Variants in CTNNA3 observed in about 807,000 individuals in gnomAD.
The protein encoded by CTNNA3 is catenin alpha-3.
A neutral mutation model predicts 95.7 loss-of-function variants in CTNNA3; 76 were observed. The ratio of observed to expected loss-of-function variants is 0.79; its 90% CI spans 0.66 to 0.96. The LOEUF is 0.96. Ranked by LOEUF, CTNNA3 falls within the 40% of genes least tolerant of loss-of-function variation. The probability of loss-of-function intolerance (pLI) is 0.00; values close to 1 mark genes in which losing one functional copy is unlikely to be tolerated. For synonymous variants in CTNNA3, 431 were observed against 374.4 expected, an observed-to-expected ratio of 1.15 and a Z score of -1.74; for missense variants, 1,191 against 1,089.8, an observed-to-expected ratio of 1.09 and a Z score of -1.31.
chr10:67,216,614 A>G (rs180918538), intron 6 of CTNNA3, among the ~76,000 whole-genome samples: 17 of 152,334 alleles, frequency 1.1e-4, no homozygotes, highest in Admixed American at 8.5e-4. Context: ...GTAAACAATG[A>G]CTGTATGAAT....
At chr10:66,422,137 A>C (rs993195330) in intron 11 of CTNNA3, among the ~76,000 whole-genome samples, 1 of 151,968 alleles carries the variant, frequency 6.6e-6, no homozygotes, top group African/African-American at 2.4e-5. Context: ...TTGCACAAAT[A>C]TATTCTTTAC....
At chr10:66,285,226 T>C (rs2091564582) in intron 12 of CTNNA3, among the ~76,000 whole-genome samples, 2 of 151,870 alleles carry the variant, frequency 1.3e-5, no homozygotes, top group African/African-American at 4.8e-5. Context: ...AAAAATAAAA[T>C]ACTAGAGAGA....
chr10:66,325,803 A>C (rs922396004), intron 12 of CTNNA3, among the ~76,000 whole-genome samples: 1 of 152,276 alleles, frequency 6.6e-6, no homozygotes, highest in East Asian at 1.9e-4. Flanking sequence ...TTATGTGCTC[A>C]TATTAAAAAA....
At chr10:66,057,314 G>A (rs563420310) in intron 15 of CTNNA3, among the ~76,000 whole-genome samples, 1 of 152,178 alleles carries the variant, frequency 6.6e-6, no homozygotes, top group African/African-American at 2.4e-5. Context: ...ACACGATACA[G>A]AACCGGTCTG....
At chr10:66,335,400 G>C (rs1437797055) in intron 12 of CTNNA3, among the ~76,000 whole-genome samples, 3 of 152,006 alleles carry the variant, frequency 2.0e-5, no homozygotes, top group African/African-American at 7.2e-5. Context: ...ACGTACAGAT[G>C]GTGTTTTGGT....
chr10:67,057,732 C>T (rs1040194796), intron 7 of CTNNA3, among the ~76,000 whole-genome samples: 12 of 152,054 alleles, frequency 7.9e-5, no homozygotes, highest in African/African-American at 2.9e-4. Context: ...CCACCACCAC[C>T]ACGATGAGCT....
rs547523837 is a variant in CTNNA3 at position 67,446,033 on chromosome 10, A to G, written c.579+75809T>C. 6.4e-4 allele frequency among the ~76,000 whole-genome samples: 97 copies of G among 152,310 alleles called. No individual in the cohort carries two copies. The Middle Eastern group carries it at 0.01, about 16-fold the overall frequency. On this transcript the variant is annotated intron_variant, in intron 5 of 17. Transcript: ENST00000433211. ...CTGTTCCCTCACATAGTATTAAAGC[A>G]TAGATGGCAAGTTAATCTTTCATTC... is the stretch of plus-strand genomic sequence containing the variant.
intron 5 of CTNNA3, among the ~76,000 whole-genome samples, chr10:67,225,678 G>A (rs997382575): frequency 1.3e-5 from 2 of 152,124 alleles, no homozygotes; most frequent in African/African-American, 2.4e-5. Flanking sequence ...AAGCGGGAGA[G>A]TACTACATCA....
At chr10:66,346,515 G>T (rs2092521676) in intron 12 of CTNNA3, among the ~76,000 whole-genome samples, 1 of 151,966 alleles carries the variant, frequency 6.6e-6, no homozygotes, top group Admixed American at 6.5e-5. Flanking sequence ...TTGACCTCGT[G>T]ATCTGCCTGC....
intron 10 of CTNNA3, among the ~76,000 whole-genome samples, chr10:66,603,597 T>C (rs952379159): frequency 6.6e-6 from 1 of 152,092 alleles, no homozygotes; most frequent in African/African-American, 2.4e-5. Flanking sequence ...CTAAAATGTG[T>C]ATGGACACAA....
intron 13 of CTNNA3, among the ~76,000 whole-genome samples, chr10:66,223,642 A>C (rs574235517): frequency 2.0e-5 from 3 of 152,340 alleles, no homozygotes; most frequent in African/African-American, 7.2e-5. Context: ...GAGGTTTACA[A>C]GTATAAGTTA....
chr10:66,861,535 A>T (rs1002620191), intron 7 of CTNNA3, among the ~76,000 whole-genome samples: 9 of 152,194 alleles, frequency 5.9e-5, no homozygotes, highest in Non-Finnish European at 1.2e-4. Context: ...GCCATCTCAG[A>T]CCCTGAACTA....
intron 9 of CTNNA3, among the ~76,000 whole-genome samples, chr10:66,756,637 AGAG>A (rs1319206169): frequency 6.6e-6 from 1 of 152,030 alleles, no homozygotes; most frequent in African/African-American, 2.4e-5. Context: ...TGCAAGCAGC[AGAG>A]GAGATAAGGG....
chr10:66,061,535 C>A (rs2080199324), intron 15 of CTNNA3, among the ~76,000 whole-genome samples: 1 of 152,070 alleles, frequency 6.6e-6, no homozygotes, highest in Non-Finnish European at 1.5e-5. Flanking sequence ...TATGCCCCTA[C>A]CATGATCATA....
At chr10:67,722,404 G>C (rs1841184526) in intron 1 of CTNNA3, among the ~76,000 whole-genome samples, 1 of 152,112 alleles carries the variant, frequency 6.6e-6, no homozygotes, top group Admixed American at 6.6e-5. Context: ...TGAAGTTTTT[G>C]CTATCCTCCT....
intron 7 of CTNNA3, among the ~76,000 whole-genome samples, chr10:66,873,448 T>C (rs1844492580): frequency 6.6e-6 from 1 of 152,166 alleles, no homozygotes; most frequent in African/African-American, 2.4e-5. Context: ...GGTTTTGATT[T>C]GCATTTCTCT....
At chr10:67,452,020 G>A (rs1847005040) in intron 5 of CTNNA3, among the ~76,000 whole-genome samples, 1 of 139,324 alleles carries the variant, frequency 7.2e-6, no homozygotes, top group Non-Finnish European at 1.6e-5. Context: ...GGAAGAATAG[G>A]AAGAGGGAGA....
intron 7 of CTNNA3, among the ~76,000 whole-genome samples, chr10:67,025,256 A>G (rs1268889022): frequency 6.6e-6 from 1 of 151,876 alleles, no homozygotes; most frequent in Admixed American, 6.6e-5. Context: ...AGACTCATTC[A>G]GTTAACTAAA....
At chr10:66,109,452 CAT>C (rs1240237315) in intron 13 of CTNNA3, among the ~76,000 whole-genome samples, 2 of 152,184 alleles carry the variant, frequency 1.3e-5, no homozygotes, top group African/African-American at 4.8e-5. Context: ...CCTCTCAAGT[CAT>C]GAGATATAAT....
Sources: gnomAD v4.1 joint callset for allele counts (sites outside exome capture counted in the v4.1 genomes callset) on GRCh38, gnomAD v4.1.1 for gene constraint, MANE v1.5 for transcripts, NCBI Gene and HGNC (gene_info 2026-07-23, HGNC 2026-07-21) for gene names.